Variants in SEMA3E observed in about 807,000 individuals in gnomAD.
SEMA3E encodes semaphorin-3E.
Under a neutral mutation model 93.6 loss-of-function variants are expected in SEMA3E, and 49 were observed. That is an observed-to-expected ratio of 0.52 (90% CI 0.42 to 0.66). The LOEUF (loss-of-function observed/expected upper bound fraction) is 0.66, where lower values mean the gene tolerates loss of function less well. SEMA3E is among the 30% of genes least tolerant of loss of function. The pLI is 0.00. For missense variants in SEMA3E, 906 were observed against 964.8 expected, an observed-to-expected ratio of 0.94 and a Z score of 0.81; for synonymous variants, 363 against 330.7, an observed-to-expected ratio of 1.10 and a Z score of -1.06.
At chr7:83,489,302 A>G (rs2115972822) in intron 2 of SEMA3E, among the ~76,000 whole-genome samples, 1 of 152,210 alleles carries the variant, frequency 6.6e-6, no homozygotes, top group South Asian at 2.1e-4. Flanking sequence ...ATTTTGAAAT[A>G]TGTAGGGAAG....
intron 2 of SEMA3E, among the ~76,000 whole-genome samples, chr7:83,474,948 A>G (rs1477265127): frequency 6.6e-6 from 1 of 151,776 alleles, no homozygotes. Flanking sequence ...TGTATATGCT[A>G]GAGCATGTGC....
intron 1 of SEMA3E, among the ~76,000 whole-genome samples, chr7:83,511,441 T>C (rs541571737): frequency 6.6e-6 from 1 of 152,292 alleles, no homozygotes. Context: ...GTAGATGAGC[T>C]TTTCAGAAGG....
intron 1 of SEMA3E, among the ~76,000 whole-genome samples, chr7:83,509,015 G>A (rs981890526): frequency 2.6e-5 from 4 of 152,058 alleles, no homozygotes; most frequent in Non-Finnish European, 5.9e-5. Context: ...TTTGAAGGGG[G>A]AACATGTAAA....
intron 2 of SEMA3E, among the ~76,000 whole-genome samples, chr7:83,482,559 C>T (rs1352230411): frequency 5.2e-5 from 4 of 76,366 alleles, no homozygotes; most frequent in Admixed American, 1.9e-4. Context: ...AGCCACACTC[C>T]GTCTCAAAAA....
chr7:83,564,310 T>C (rs1197447733), intron 1 of SEMA3E, among the ~76,000 whole-genome samples: 2 of 152,070 alleles, frequency 1.3e-5, no homozygotes, highest in African/African-American at 2.4e-5. Flanking sequence ...GCCCAGCTAC[T>C]CAGGAGGCTG....
Position 83,366,948 on chromosome 7 carries a change from T to G in SEMA3E, c.*638A>C, listed in dbSNP as rs2116890670. 1 of 152,344 alleles carries G rather than the reference T, an allele frequency of 6.6e-6. No homozygotes were observed. Among genetic ancestry groups the G allele is most frequent in the East Asian group, 1.9e-4 (1 of 5,186 alleles). 9.4% of individuals were successfully genotyped at this position (152,344 alleles called of 1,614,324 possible). On this transcript the variant is annotated 3_prime_UTR_variant, in exon 17 of 17. Transcript: ENST00000643230. Reference sequence around the variant, plus strand: ...TTTTTATTTCCACAGTGAGTGAAAATTAAAGACTGTGTTATAAAGCAAAAA... The same window carrying G: ...TTTTTATTTCCACAGTGAGTGAAAAGTAAAGACTGTGTTATAAAGCAAAAA...
At chr7:83,499,928 T>A (rs1220551295) in intron 1 of SEMA3E, among the ~76,000 whole-genome samples, 1 of 152,162 alleles carries the variant, frequency 6.6e-6, no homozygotes, top group Non-Finnish European at 1.5e-5. Context: ...ATCAACAAAG[T>A]CCTATGCACT....
intron 1 of SEMA3E, among the ~76,000 whole-genome samples, chr7:83,526,512 C>T (rs1046344394): frequency 2.0e-5 from 3 of 152,102 alleles, no homozygotes; most frequent in Non-Finnish European, 4.4e-5. Context: ...TGAATCCAAC[C>T]TCTGCCCTCA....
At chr7:83,617,490 TA>T (rs1463969319) in intron 1 of SEMA3E, among the ~76,000 whole-genome samples, 1 of 143,496 alleles carries the variant, frequency 7.0e-6, no homozygotes, top group Admixed American at 7.1e-5. Flanking sequence ...TTTATATAAA[TA>T]ATATATAATT....
At chr7:83,607,373 A>G (rs950715598) in intron 1 of SEMA3E, among the ~76,000 whole-genome samples, 1 of 151,810 alleles carries the variant, frequency 6.6e-6, no homozygotes, top group African/African-American at 2.4e-5. Context: ...CATGTTCTTT[A>G]CTCTTGTAAT....
intron 1 of SEMA3E, among the ~76,000 whole-genome samples, chr7:83,566,273 TG>T (rs1792152458): frequency 6.6e-6 from 1 of 151,996 alleles, no homozygotes; most frequent in Non-Finnish European, 1.5e-5. Flanking sequence ...CCCAGAGTGC[TG>T]GGATTACAGG....
At chr7:83,519,340 A>G (rs1790998962) in intron 1 of SEMA3E, among the ~76,000 whole-genome samples, 1 of 152,186 alleles carries the variant, frequency 6.6e-6, no homozygotes, top group African/African-American at 2.4e-5. Flanking sequence ...CTTCTTCACT[A>G]AACCTAGAAC....
At chr7:83,368,195 CTCTCT>C (rs1794701721) in intron 16 of SEMA3E, among the ~76,000 whole-genome samples, 157 bp from the exon 17 acceptor site, 3 of 82,924 alleles carry the variant, frequency 3.6e-5, no homozygotes, top group African/African-American at 2.6e-4. Flanking sequence ...ATAATTACAT[CTCTCT>C]CTCTCTCTCT....
At chr7:83,646,198 C>T (rs1030823168) in intron 1 of SEMA3E, among the ~76,000 whole-genome samples, 4 of 152,022 alleles carry the variant, frequency 2.6e-5, no homozygotes, top group African/African-American at 4.8e-5. Flanking sequence ...TTAATTCACT[C>T]GCTACTGAAC....
chr7:83,425,474 C>G (rs1207968815), intron 4 of SEMA3E, among the ~76,000 whole-genome samples: 2 of 152,116 alleles, frequency 1.3e-5, no homozygotes, highest in Non-Finnish European at 2.9e-5. Context: ...TGAGTCCCAG[C>G]CATCAATTCT....
intron 4 of SEMA3E, among the ~76,000 whole-genome samples, chr7:83,425,588 T>A (rs1788753792): frequency 6.6e-6 from 1 of 152,166 alleles, no homozygotes; most frequent in African/African-American, 2.4e-5. Context: ...AGTTATTAAG[T>A]CCCTATAATT....
intron 1 of SEMA3E, among the ~76,000 whole-genome samples, chr7:83,599,018 C>G (rs1792931481): frequency 6.6e-6 from 1 of 151,880 alleles, no homozygotes; most frequent in Admixed American, 6.6e-5. Flanking sequence ...TTAAATTTGC[C>G]TAAATATTTA....
chr7:83,577,189 T>C (rs1203986355), intron 1 of SEMA3E, among the ~76,000 whole-genome samples: 1 of 152,298 alleles, frequency 6.6e-6, no homozygotes, highest in East Asian at 1.9e-4. Flanking sequence ...TAATGATAGA[T>C]ATACCTGTAT....
intron 16 of SEMA3E, 67 bp downstream of exon 16, chr7:83,385,227 A>T (rs1787853654): frequency 6.4e-7 from 1 of 1,555,650 alleles, no homozygotes; most frequent in Admixed American, 1.7e-5. Flanking sequence ...ATCCAAATAA[A>T]TCATCTATTT....
Sources: allele counts gnomAD v4.1 joint callset (sites outside exome capture counted in the v4.1 genomes callset), GRCh38; gene constraint gnomAD v4.1.1; transcripts MANE v1.5; gene names NCBI Gene and HGNC (gene_info 2026-07-23, HGNC 2026-07-21).